TMEM53: variants seen among roughly 807,000 people sequenced by gnomAD.
TMEM53 encodes the protein transmembrane protein 53, also known as novel DUF829 domain-containing protein.
A neutral mutation model predicts 21.4 loss-of-function variants in TMEM53; 14 were observed. That is an observed-to-expected ratio of 0.65 (90% confidence interval 0.43 to 1.02). TMEM53 has a LOEUF of 1.02. Ranked by LOEUF, TMEM53 falls within the 50% of genes least tolerant of loss-of-function variation. The probability of loss-of-function intolerance (pLI) is 0.00; values close to 1 mark genes in which losing one functional copy is unlikely to be tolerated. For missense variants in TMEM53, 323 were observed against 383.6 expected (o/e 0.84, Z 1.32); for synonymous variants, 148 against 157.4 (o/e 0.94, Z 0.45).
intron 1 of TMEM53, chr1:44,674,037 A>C: frequency 3.0e-6 from 3 of 985,472 alleles, no homozygotes; most frequent in Non-Finnish European, 3.6e-6. Flanking sequence ...AGCTATGAGA[A>C]GTGATTAAAG....
intron 1 of TMEM53, among the ~76,000 whole-genome samples, chr1:44,668,838 C>T (rs968962325): frequency 2.6e-5 from 4 of 152,198 alleles, no homozygotes; most frequent in South Asian, 2.1e-4. Flanking sequence ...CCACTGTACC[C>T]GGCCAAATTA....
At chr1:44,669,550 G>A (rs1257796267) in intron 1 of TMEM53, among the ~76,000 whole-genome samples, 4 of 152,082 alleles carry the variant, frequency 2.6e-5, no homozygotes, top group African/African-American at 7.2e-5. Context: ...ACCTCCCCAC[G>A]AGCATCTGTT....
chr1:44,674,352 C>A lies in TMEM53; in HGVS notation c.40G>T (p.Asp14Tyr). The A allele has an allele frequency of 6.2e-7, 1 of 1,613,088 alleles. No homozygotes were observed. The highest frequency in any genetic ancestry group is 8.5e-7 in the Non-Finnish European group (1 of 1,179,442). ...AELDYTIEIP[D>Y]QPCWSQKNSP... ...ATACTCTGGCTCCAGCAGGGCTGAT[C>A]CGGGATCTCGATGGTGTAGTCCAGC... Residue 14 changes from aspartate (D) to tyrosine (Y), a missense_variant, in exon 1 of 3, where the codon GAT becomes TAT. Asp to Tyr is a radical substitution (Grantham distance 160, BLOSUM62 -3). Transcript: ENST00000372237.
chr1:44,663,048 C>A (rs1468636951), intron 1 of TMEM53, among the ~76,000 whole-genome samples: 1 of 152,146 alleles, frequency 6.6e-6, no homozygotes, highest in African/African-American at 2.4e-5. Context: ...CTGTAATATT[C>A]TTTATTGATT....
In TMEM53 at chr1:44,655,556, T is replaced by C. The variant is rs1644841917; in HGVS notation, c.184-347A>G. Among the ~76,000 whole-genome samples the C allele has an allele frequency of 6.6e-6, 1 of 152,174 alleles. No homozygotes were observed. Among genetic ancestry groups the C allele is most frequent in the Non-Finnish European group, 1.5e-5 (1 of 68,042 alleles). On this transcript the variant is annotated intron_variant, in intron 2 of 2. Coordinates refer to ENST00000372237, the MANE Select transcript of TMEM53 (RefSeq NM_024587.4). The surrounding 1 kb of genome is among the most constrained non-coding windows in gnomAD (Gnocchi z 4.4). The stretch of plus-strand genomic sequence containing the variant: ...GTCTCTTTACTCTGGTTCCCTCCTG[T>C]CTGTGCCCCGCACTCCCATCCTAGG...
intron 1 of TMEM53, among the ~76,000 whole-genome samples, chr1:44,671,877 T>TTCA (rs1014038565): frequency 2.0e-5 from 3 of 152,198 alleles, no homozygotes; most frequent in African/African-American, 7.2e-5. Flanking sequence ...TGCAGTGAAC[T>TTCA]GAGATCGTGC....
chr1:44,655,482 G>A lies in TMEM53; in HGVS notation c.184-273C>T, dbSNP rs1644841466. ...CTCTTGGCCTGGAGTGGTATTTGAG[G>A]CCCAGAGCCTGAAGCATATACTGGA... On this transcript the variant is annotated intron_variant, in intron 2 of 2. Transcript: ENST00000372237. This position sits in a 1 kb window ranked among gnomAD's most constrained non-coding sequence, Gnocchi z 4.4. Among the ~76,000 whole-genome samples the A allele has an allele frequency of 6.6e-6, 1 of 152,126 alleles. No homozygotes were observed. Among genetic ancestry groups the A allele is most frequent in the Non-Finnish European group, 1.5e-5 (1 of 68,004 alleles).
intron 1 of TMEM53, among the ~76,000 whole-genome samples, chr1:44,661,423 T>C (rs1268099776): frequency 1.4e-5 from 2 of 145,576 alleles, no homozygotes; most frequent in Non-Finnish European, 3.0e-5. Flanking sequence ...TTTTTAAGAG[T>C]AAAAAAGGGG....
At chr1:44,674,264 C>A in intron 1 of TMEM53, 67 bp downstream of exon 1, 1 of 1,542,212 alleles carries the variant, frequency 6.5e-7, no homozygotes, top group South Asian at 1.2e-5. Context: ...GGGGCTACAG[C>A]TGCGCTCGCA....
chr1:44,660,339 G>T, intron 1 of TMEM53, 44 bp from the exon 2 acceptor site: 1 of 1,578,360 alleles, frequency 6.3e-7, no homozygotes, highest in Admixed American at 1.7e-5. Context: ...CTGGGGTGGG[G>T]GCGGGGGTGA....
intron 1 of TMEM53, among the ~76,000 whole-genome samples, chr1:44,668,888 G>A (rs1316166738): frequency 6.6e-6 from 1 of 152,190 alleles, no homozygotes; most frequent in East Asian, 1.9e-4. Context: ...GAGCAGAGCA[G>A]AGTAGCATAG....
chr1:44,658,573 C>T (rs974106091), intron 2 of TMEM53, among the ~76,000 whole-genome samples: 2 of 152,108 alleles, frequency 1.3e-5, no homozygotes, highest in African/African-American at 4.8e-5. Flanking sequence ...TATTTTGAGA[C>T]AGGGTCTCAC....
In TMEM53 at chr1:44,655,028, T is replaced by C; in HGVS notation, c.365A>G (p.Tyr122Cys). The C allele has an allele frequency of 1.2e-6, 2 of 1,614,132 alleles. No individual in the cohort carries two copies. Among genetic ancestry groups the C allele is most frequent in the Non-Finnish European group, 1.7e-6 (2 of 1,179,994 alleles). ...ACGGGTCTGCAGGAGCTCCAGCACG[T>C]AGCGGTACAGCATGACGCCACCGTT... is the stretch of plus-strand genomic sequence containing the variant. ...FSNGGVMLYRYVLELLQTRRF... is the reference protein window; with the variant it reads ...FSNGGVMLYRCVLELLQTRRF... The change falls in exon 3 of 3, where the codon TAC becomes TGC. Residue 122 changes from tyrosine to cysteine, a missense_variant. Tyr to Cys is a radical substitution (Grantham distance 194, BLOSUM62 -2). Around this residue, in one of 3 missense-constraint regions of TMEM53, gnomAD observed 269 missense variants for 334.5 expected, o/e 0.80. Coordinates refer to ENST00000372237, the MANE Select transcript of TMEM53 (RefSeq NM_024587.4). The surrounding 1 kb of genome is among the most constrained non-coding windows in gnomAD (Gnocchi z 4.4).
chr1:44,661,279 G>C (rs1644899601), intron 1 of TMEM53, among the ~76,000 whole-genome samples: 1 of 152,162 alleles, frequency 6.6e-6, no homozygotes, highest in African/African-American at 2.4e-5. Flanking sequence ...CACCCAGGCT[G>C]GAGGGCAGTG....
chr1:44,670,674 G>A (rs1407797463), intron 1 of TMEM53, among the ~76,000 whole-genome samples: 14 of 152,168 alleles, frequency 9.2e-5, no homozygotes, highest in African/African-American at 3.4e-4. Context: ...CTCAGCCAGT[G>A]ATGAGCAAAA....
chr1:44,654,766 G>T lies in TMEM53; in HGVS notation c.627C>A (p.Arg209=), dbSNP rs763497303. 2 of 1,614,044 alleles carry T rather than the reference G, an allele frequency of 1.2e-6. No homozygotes were observed. Among genetic ancestry groups the T allele is most frequent in the African/African-American group, 1.3e-5 (1 of 75,048 alleles). The change falls in exon 3 of 3, where the codon CGC becomes CGA. Residue 209 remains arginine, a synonymous_variant. Coordinates refer to ENST00000372237, the MANE Select transcript of TMEM53 (RefSeq NM_024587.4). This position sits in a 1 kb window ranked among gnomAD's most constrained non-coding sequence, Gnocchi z 7.0. ...TCGAGTAGAGGTAGAGCTCGGGCCAGCGAGAGCCCGCGTCCTGTAGCCTGT... is the reference window on the plus strand; with the variant it reads ...TCGAGTAGAGGTAGAGCTCGGGCCATCGAGAGCCCGCGTCCTGTAGCCTGT... The part of the protein sequence containing the change: ...FYDRLQDAGS[R]WPELYLYSRA...
chr1:44,657,208 G>A (rs758868971), intron 2 of TMEM53, among the ~76,000 whole-genome samples: 4 of 152,060 alleles, frequency 2.6e-5, no homozygotes, highest in Non-Finnish European at 5.9e-5. Flanking sequence ...ATCAGGTGGG[G>A]AGGGGAAGAG....
chr1:44,674,439 T>C lies in TMEM53; in HGVS notation c.-48A>G, dbSNP rs113477151. The C allele has an allele frequency of 1.2e-5, 19 of 1,579,480 alleles. No individual in the cohort carries two copies. In the African/African-American group the frequency reaches 1.9e-4, roughly 16 times the overall value. On this transcript the variant is annotated 5_prime_UTR_variant, in exon 1 of 3. Coordinates refer to ENST00000372237, the MANE Select transcript of TMEM53 (RefSeq NM_024587.4). ...ACGGGTCTCCAGCCGGAACTCCCGC[T>C]TGCGCACCCGTGCCTCACCCGGGCG...
chr1:44,667,884 A>C (rs1414618414), intron 1 of TMEM53, among the ~76,000 whole-genome samples: 1 of 152,168 alleles, frequency 6.6e-6, no homozygotes. Context: ...CGAGTACCCC[A>C]CAAAGCAATT....
Sources: gnomAD v4.1 joint callset for allele counts (sites outside exome capture counted in the v4.1 genomes callset) on GRCh38, gnomAD v4.1.1 for gene constraint, gnomAD v4.1.1 regional missense constraint, Gnocchi (gnomAD v3.1) non-coding constraint, MANE v1.5 for transcripts, NCBI Gene and HGNC (gene_info 2026-07-23, HGNC 2026-07-21) for gene names.